Variants in CDH9 observed in about 807,000 individuals in gnomAD.
CDH9 encodes cadherin 9.
Under a neutral mutation model 70.9 loss-of-function variants are expected in CDH9, and 28 were observed. The ratio of observed to expected loss-of-function variants is 0.40; its 90% CI spans 0.29 to 0.54. The LOEUF (loss-of-function observed/expected upper bound fraction) is 0.54. Ranked by LOEUF, CDH9 falls within the 20% of genes least tolerant of loss-of-function variation. The pLI is 0.59. For missense variants in CDH9, 874 were observed against 984.4 expected (o/e 0.89, Z 1.50); for synonymous variants, 409 against 343.1 (o/e 1.19, Z -2.12).
chr5:26,939,083 AG>A lies in CDH9; in HGVS notation c.229-23160del, dbSNP rs559646186. On this transcript the variant is annotated intron_variant, in intron 2 of 11. Coordinates refer to ENST00000231021, the MANE Select transcript of CDH9 (RefSeq NM_016279.4). ...GATGTGACATAAGTAATTTAAATAG[AG>A]GAATAATTTCACCAAGTTATTGGAA... Among the ~76,000 whole-genome samples the A allele has an allele frequency of 2.8e-3, 427 of 152,070 alleles. 2 individuals are homozygous for A. The highest frequency in any genetic ancestry group is 9.9e-3 in the African/African-American group (412 of 41,558).
At position 27,033,267 on chromosome 5, in the gene CDH9, T is replaced by A. The variant is rs150287181; in HGVS notation, c.-50+5196A>T. 4.7e-3 allele frequency among the ~76,000 whole-genome samples: 713 copies of A among 151,474 alleles called. 3 individuals are homozygous for A. The highest frequency in any genetic ancestry group is 0.011 in the Middle Eastern group (3 of 282). On this transcript the variant is annotated intron_variant, in intron 1 of 11. Coordinates refer to ENST00000231021, the MANE Select transcript of CDH9 (RefSeq NM_016279.4). ...TTATTTTAGTTCCTCCAGTTACACA[T>A]TGTAATAATTAAATATTATAATTAA...
chr5:26,961,755 T>C (rs1479976408), intron 2 of CDH9, among the ~76,000 whole-genome samples: 2 of 152,206 alleles, frequency 1.3e-5, no homozygotes, highest in Non-Finnish European at 2.9e-5. Flanking sequence ...ATTTATTATA[T>C]GAAAGACTTA....
At chr5:26,971,388 A>T (rs1343437310) in intron 2 of CDH9, among the ~76,000 whole-genome samples, 2 of 152,106 alleles carry the variant, frequency 1.3e-5, no homozygotes, top group Non-Finnish European at 2.9e-5. Context: ...ATGTATTTTC[A>T]CTCTCACTAT....
chr5:26,974,965 C>G (rs532426001), intron 2 of CDH9, among the ~76,000 whole-genome samples: 9 of 152,202 alleles, frequency 5.9e-5, no homozygotes, highest in Admixed American at 4.6e-4. Flanking sequence ...AGTTTTGACC[C>G]TTTGACCAAC....
chr5:26,882,251 A>G (rs963759167), intron 11 of CDH9, among the ~76,000 whole-genome samples: 6 of 152,014 alleles, frequency 3.9e-5, no homozygotes, highest in Non-Finnish European at 7.4e-5. Flanking sequence ...TTACAATATA[A>G]AACTCAAACT....
intron 2 of CDH9, among the ~76,000 whole-genome samples, chr5:26,982,294 C>T (rs995961195): frequency 2.0e-5 from 3 of 152,040 alleles, no homozygotes; most frequent in African/African-American, 7.2e-5. Context: ...TATTAAGAAC[C>T]ATTTTCTACC....
At chr5:26,963,244 G>A (rs563767524) in intron 2 of CDH9, among the ~76,000 whole-genome samples, 2 of 152,144 alleles carry the variant, frequency 1.3e-5, no homozygotes, top group African/African-American at 2.4e-5. Context: ...TAAAGGCAGT[G>A]CAGTAAAAAC....
At chr5:26,999,757 T>C (rs953184753) in intron 1 of CDH9, among the ~76,000 whole-genome samples, 3 of 152,144 alleles carry the variant, frequency 2.0e-5, no homozygotes, top group African/African-American at 7.2e-5. Flanking sequence ...TAGATATAAA[T>C]GTAAAATTAC....
intron 2 of CDH9, among the ~76,000 whole-genome samples, chr5:26,982,703 T>A (rs1184316097): frequency 1.3e-5 from 2 of 152,066 alleles, no homozygotes; most frequent in Admixed American, 1.3e-4. Flanking sequence ...TTTTTGTTTT[T>A]TTTGAGATGG....
chr5:26,881,751 C>CTGTATT, intron 11 of CDH9, 128 bp from the exon 12 acceptor site: 1 of 798,806 alleles, frequency 1.3e-6, no homozygotes, highest in Non-Finnish European at 1.9e-6. Flanking sequence ...ATTAACTACC[C>CTGTATT]TGTACAAATA....
chr5:26,890,661 A>C lies in CDH9; in HGVS notation c.1254-97T>G. ...AGGTAATTTCCACAATGATCTGACA[A>C]AGACATGAAATGCAAAATGCTAACA... On this transcript the variant is annotated intron_variant, in intron 7 of 11. Coordinates refer to ENST00000231021, the MANE Select transcript of CDH9 (RefSeq NM_016279.4). 8 of 825,428 alleles carry C rather than the reference A, an allele frequency of 9.7e-6. 1 individual carries two copies. The Middle Eastern group carries it at 7.4e-4, about 76-fold the overall frequency. 51.1% of individuals were successfully genotyped at this position (825,428 alleles called of 1,614,324 possible).
intron 2 of CDH9, among the ~76,000 whole-genome samples, chr5:26,917,021 G>A (rs1741160918): frequency 6.6e-6 from 1 of 151,796 alleles, no homozygotes; most frequent in African/African-American, 2.4e-5. Flanking sequence ...GCTGATCATT[G>A]AATATTTACA....
At chr5:26,934,995 A>C (rs1226175244) in intron 2 of CDH9, among the ~76,000 whole-genome samples, 2 of 152,076 alleles carry the variant, frequency 1.3e-5, no homozygotes, top group Non-Finnish European at 2.9e-5. Context: ...ATCAAAATAA[A>C]TTATCAGATA....
chr5:27,009,761 T>C (rs114768745), intron 1 of CDH9, among the ~76,000 whole-genome samples: 413 of 152,214 alleles, frequency 2.7e-3, no homozygotes, highest in Middle Eastern at 6.8e-3. Flanking sequence ...ATAACTCTCT[T>C]AAAAACGAAA....
Position 26,881,325 on chromosome 5 carries a change from T to G in CDH9, c.2181A>C (p.Pro727=). 3.7e-6 allele frequency: 6 copies of G among 1,613,288 alleles called. No homozygotes were observed. Among genetic ancestry groups the G allele is most frequent in the Non-Finnish European group, 5.1e-6 (6 of 1,179,374 alleles). The change falls in exon 12 of 12, where the codon CCA becomes CCC. Residue 727 remains proline, a synonymous_variant. Coordinates refer to ENST00000231021, the MANE Select transcript of CDH9 (RefSeq NM_016279.4). ...HRRLKENDAD[P]SAPPYDSLAT... is the part of the protein sequence containing the mutation. ...CCAGCGAATCATATGGAGGTGCACT[T>G]GGGTCTGCGTCGTTTTCTTTTAATC...
intron 11 of CDH9, among the ~76,000 whole-genome samples, chr5:26,884,295 T>C (rs1356164476): frequency 6.6e-6 from 1 of 152,166 alleles, no homozygotes; most frequent in Admixed American, 6.6e-5. Flanking sequence ...TATGTGTGCA[T>C]GACTGTCTTT....
chr5:26,881,571 C>T lies in CDH9; in HGVS notation c.1935G>A (p.Leu645=), dbSNP rs1202130165. The change falls in exon 12 of 12, where the codon CTG becomes CTA. Residue 645 remains leucine (L), a synonymous_variant. Transcript: ENST00000231021. ...CCCGGACATCGTCTTTTGAAATTATCAGAGGTTCCTTTTTTCTTTGCCTCT... is the reference window on the plus strand; with the variant it reads ...CCCGGACATCGTCTTTTGAAATTATTAGAGGTTCCTTTTTTCTTTGCCTCT... ...ALKRQRKKEP[L]IISKDDVRDN... is the part of the protein sequence containing the mutation. 3 of 1,612,812 alleles carry T rather than the reference C, an allele frequency of 1.9e-6. No homozygotes were observed. Among genetic ancestry groups the T allele is most frequent in the Non-Finnish European group, 1.7e-6 (2 of 1,179,518 alleles).
At chr5:26,901,870 AT>A (rs1302000398) in intron 7 of CDH9, among the ~76,000 whole-genome samples, 2 of 151,906 alleles carry the variant, frequency 1.3e-5, no homozygotes, top group African/African-American at 4.8e-5. Flanking sequence ...TACCTTTCTT[AT>A]TCACTTAAAT....
At chr5:26,964,848 T>C (rs1036715272) in intron 2 of CDH9, among the ~76,000 whole-genome samples, 9 of 138,288 alleles carry the variant, frequency 6.5e-5, no homozygotes, top group African/African-American at 2.4e-4. Context: ...TGTGTTCTCA[T>C]TGTTCATCTC....
Sources: gnomAD v4.1 joint callset for allele counts (sites outside exome capture counted in the v4.1 genomes callset) on GRCh38, gnomAD v4.1.1 for gene constraint, MANE v1.5 for transcripts, NCBI Gene and HGNC (gene_info 2026-07-23, HGNC 2026-07-21) for gene names.